PPIL4: variants seen among roughly 807,000 people sequenced by gnomAD.
The protein encoded by PPIL4 is peptidylprolyl isomerase like 4, also known as peptidyl-prolyl cis-trans isomerase-like 4.
Under a neutral mutation model 69.1 loss-of-function variants are expected in PPIL4, and 50 were observed. That is an observed-to-expected ratio of 0.72 (90% CI 0.58 to 0.92). The LOEUF (loss-of-function observed/expected upper bound fraction) is 0.92. PPIL4 is among the 40% of genes least tolerant of loss of function. The pLI is 0.00. For synonymous variants in PPIL4, 193 were observed against 191.6 expected, an observed-to-expected ratio of 1.01 and a Z score of -0.06; for missense variants, 480 against 587.9, an observed-to-expected ratio of 0.82 and a Z score of 1.90.
intron 12 of PPIL4, 119 bp downstream of exon 12, chr6:149,512,036 G>T: frequency 2.7e-6 from 2 of 733,306 alleles, no homozygotes; most frequent in South Asian, 3.2e-5. Context: ...TGCTTCTTAG[G>T]AACAAACCCA....
intron 7 of PPIL4, among the ~76,000 whole-genome samples, chr6:149,528,560 A>G (rs981866528): frequency 2.6e-5 from 4 of 152,260 alleles, no homozygotes; most frequent in African/African-American, 7.2e-5. Context: ...ATATGTTAAT[A>G]AAATCAAAAG....
intron 6 of PPIL4, among the ~76,000 whole-genome samples, chr6:149,534,154 C>A (rs1211040639): frequency 6.6e-6 from 1 of 151,000 alleles, no homozygotes; most frequent in African/African-American, 2.4e-5. Flanking sequence ...GACTCCATCT[C>A]AAAAAAATAA....
At chr6:149,514,058 C>G (rs1006120569) in intron 11 of PPIL4, among the ~76,000 whole-genome samples, 1 of 152,192 alleles carries the variant, frequency 6.6e-6, no homozygotes, top group African/African-American at 2.4e-5. Context: ...CACAAAGCCA[C>G]AACTCAACAC....
intron 7 of PPIL4, among the ~76,000 whole-genome samples, chr6:149,528,090 T>C (rs1777138157): frequency 6.6e-6 from 1 of 152,194 alleles, no homozygotes; most frequent in Non-Finnish European, 1.5e-5. Context: ...ACCTTGTCTC[T>C]ATAGTAAATT....
chr6:149,516,960 G>T (rs754431340), intron 11 of PPIL4: 1 of 154,892 alleles, frequency 6.5e-6, no homozygotes, highest in Non-Finnish European at 1.4e-5. Context: ...CAAAGCTAGT[G>T]TTACAGCTCT....
intron 7 of PPIL4, among the ~76,000 whole-genome samples, chr6:149,528,118 T>C (rs963086683): frequency 2.6e-5 from 4 of 152,194 alleles, no homozygotes; most frequent in Non-Finnish European, 4.4e-5. Context: ...TAGCCAGGCA[T>C]GGCAGTGTGA....
At chr6:149,517,309 C>T in intron 11 of PPIL4, 45 bp downstream of exon 11, 2 of 1,019,024 alleles carry the variant, frequency 2.0e-6, no homozygotes, top group Non-Finnish European at 3.1e-6. Flanking sequence ...CTACACATAG[C>T]AGATGGTCAA....
intron 4 of PPIL4, 83 bp from the exon 5 acceptor site, chr6:149,535,821 CAT>C: frequency 1.1e-6 from 1 of 952,106 alleles, no homozygotes. Context: ...CAAAAAAATA[CAT>C]GAAAGTTAAG....
At chr6:149,540,568 A>G (rs928093451) in intron 4 of PPIL4, among the ~76,000 whole-genome samples, 2 of 152,182 alleles carry the variant, frequency 1.3e-5, no homozygotes, top group African/African-American at 2.4e-5. Flanking sequence ...TGAGCCGAGG[A>G]TTGTGCCATC....
At chr6:149,526,496 A>G (rs1777109727) in intron 8 of PPIL4, among the ~76,000 whole-genome samples, 156 bp downstream of exon 8, 1 of 152,188 alleles carries the variant, frequency 6.6e-6, no homozygotes, top group African/African-American at 2.4e-5. Flanking sequence ...ACACACATAT[A>G]TACTTTTCTT....
At chr6:149,523,871 A>G (rs1201534097) in intron 9 of PPIL4, among the ~76,000 whole-genome samples, 2 of 152,190 alleles carry the variant, frequency 1.3e-5, no homozygotes, top group Non-Finnish European at 2.9e-5. Context: ...ACAGCAAACC[A>G]AAGGTAAAGG....
intron 6 of PPIL4, among the ~76,000 whole-genome samples, 189 bp from the exon 7 acceptor site, chr6:149,533,763 A>C (rs549828860): frequency 1.4e-4 from 21 of 152,170 alleles, no homozygotes; most frequent in South Asian, 4.1e-4. Flanking sequence ...CTAAAAAAAA[A>C]TTTTTAATAA....
chr6:149,517,663 G>A (rs1400903245), intron 10 of PPIL4: 11 of 414,344 alleles, frequency 2.7e-5, no homozygotes, highest in South Asian at 1.6e-4. Context: ...GCCACCTAAC[G>A]ATATATGTGA....
intron 8 of PPIL4, 98 bp downstream of exon 8, chr6:149,526,554 C>T (rs541196367): frequency 3.1e-5 from 35 of 1,144,518 alleles, no homozygotes; most frequent in South Asian, 3.0e-4. Flanking sequence ...GTACAAAATT[C>T]GCCTAGAATT....
At chr6:149,532,343 G>C (rs1337229032) in intron 7 of PPIL4, among the ~76,000 whole-genome samples, 1 of 152,166 alleles carries the variant, frequency 6.6e-6, no homozygotes, top group Non-Finnish European at 1.5e-5. Context: ...AACTTCCAAA[G>C]TGTTGCTGTG....
At chr6:149,528,240 C>A (rs773423728) in intron 7 of PPIL4, among the ~76,000 whole-genome samples, 1 of 152,012 alleles carries the variant, frequency 6.6e-6, no homozygotes, top group Non-Finnish European at 1.5e-5. Flanking sequence ...CAGAGTAAGA[C>A]CCTGCCTCTA....
intron 5 of PPIL4, among the ~76,000 whole-genome samples, chr6:149,535,076 G>C (rs1341211564): frequency 6.6e-6 from 1 of 152,200 alleles, no homozygotes; most frequent in Non-Finnish European, 1.5e-5. Context: ...AATTCCTCCA[G>C]CTGGGTGCAG....
intron 12 of PPIL4, among the ~76,000 whole-genome samples, chr6:149,510,074 T>C (rs1209663152): frequency 6.6e-6 from 1 of 151,408 alleles, no homozygotes; most frequent in Non-Finnish European, 1.5e-5. Context: ...ACTACTTTTA[T>C]TACCACCGAT....
intron 12 of PPIL4, among the ~76,000 whole-genome samples, chr6:149,511,316 C>A (rs779729040): frequency 2.0e-5 from 3 of 152,054 alleles, no homozygotes; most frequent in Non-Finnish European, 4.4e-5. Flanking sequence ...CTCACTGCAG[C>A]CTCTACCTCC....
Sources: gnomAD v4.1 joint callset for allele counts (sites outside exome capture counted in the v4.1 genomes callset) on GRCh38, gnomAD v4.1.1 for gene constraint, MANE v1.5 for transcripts, NCBI Gene and HGNC (gene_info 2026-07-23, HGNC 2026-07-21) for gene names.